FAM20B: variants seen among roughly 807,000 people sequenced by gnomAD.
FAM20B encodes FAM20B glycosaminoglycan xylosylkinase, also known as glycosaminoglycan xylosylkinase.
In FAM20B, 23 loss-of-function variants were observed where a neutral mutation model predicts 43.8. The observed-to-expected ratio is 0.53, with a 90% CI of 0.38 to 0.74. The LOEUF (loss-of-function observed/expected upper bound fraction) is 0.74. Ranked by LOEUF, FAM20B falls within the 30% of genes least tolerant of loss-of-function variation. The pLI, the probability that FAM20B is intolerant of heterozygous loss-of-function variation, is 0.00. For missense variants in FAM20B, 440 were observed against 510.5 expected, an observed-to-expected ratio of 0.86 and a Z score of 1.33; for synonymous variants, 178 against 192.4, an observed-to-expected ratio of 0.93 and a Z score of 0.62.
chr1:179,072,142 T>G lies in FAM20B; in HGVS notation c.1228T>G (p.Ter410GluextTer7), dbSNP rs1345796010. 2 of 1,604,826 alleles carry G rather than the reference T, an allele frequency of 1.2e-6. No homozygotes were observed. The highest frequency in any genetic ancestry group is 1.7e-5 in the Admixed American group (1 of 59,108). ...VEDRMPLSHL[*>E] ...AGACAGGATGCCTCTCTCACACTTGTAATTCTCGACACAAAATAAGTGAAA... is the reference window on the plus strand; with the variant it reads ...AGACAGGATGCCTCTCTCACACTTGGAATTCTCGACACAAAATAAGTGAAA... The change falls in exon 8 of 8, where the codon TAA becomes GAA. Residue 410 changes from the stop codon to glutamate (E), a stop_lost. Coordinates refer to ENST00000263733, the MANE Select transcript of FAM20B (RefSeq NM_014864.4).
the FAM20B span, among the ~76,000 whole-genome samples, chr1:179,018,537 C>T: frequency 6.6e-6 from 1 of 152,074 alleles, no homozygotes; most frequent in African/African-American, 2.4e-5. Flanking sequence ...AAACTCCTGA[C>T]CTCAGGTGAT....
At chr1:179,049,410 G>A (rs1650907703) in intron 2 of FAM20B, among the ~76,000 whole-genome samples, 2 of 152,072 alleles carry the variant, frequency 1.3e-5, no homozygotes, top group Admixed American at 1.3e-4. Context: ...AAAAGAACAA[G>A]AATGGTTATT....
chr1:179,028,636 C>T (rs977021324), intron 1 of FAM20B, among the ~76,000 whole-genome samples: 1 of 152,198 alleles, frequency 6.6e-6, no homozygotes, highest in Non-Finnish European at 1.5e-5. Context: ...CTGAATCTGA[C>T]TCTTAGTCCT....
chr1:179,021,344 A>G (rs1304729384), upstream of FAM20B, among the ~76,000 whole-genome samples: 1 of 152,204 alleles, frequency 6.6e-6, no homozygotes, highest in Non-Finnish European at 1.5e-5. Context: ...TTAAATACCA[A>G]TATGCCTGTG....
At position 179,043,923 on chromosome 1, in the gene FAM20B, G is replaced by A. The variant is rs137869702; in HGVS notation, c.76G>A (p.Asp26Asn). Residue 26 changes from aspartate (D) to asparagine (N), a missense_variant, in exon 2 of 8, where the codon GAC (aspartate) becomes AAC (asparagine). Coordinates refer to ENST00000263733, the MANE Select transcript of FAM20B (RefSeq NM_014864.4). ...IFIFTKVFLI[D>N]NLDTSAANRE... ...TATCTTCACCAAAGTTTTCCTGATT[G>A]ACAACTTAGATACATCAGCTGCCAA... 316 of 1,612,568 alleles carry A rather than the reference G, an allele frequency of 2.0e-4. 1 individual carries two copies. The African/African-American group carries it at 3.7e-3, about 19-fold the overall frequency.
chr1:179,046,478 C>G (rs1650776534), intron 2 of FAM20B, among the ~76,000 whole-genome samples: 1 of 151,520 alleles, frequency 6.6e-6, no homozygotes, highest in South Asian at 2.1e-4. Context: ...TGGCGAAACC[C>G]CATCTCTACT....
At chr1:179,045,293 A>G (rs1650715734) in intron 2 of FAM20B, among the ~76,000 whole-genome samples, 1 of 152,230 alleles carries the variant, frequency 6.6e-6, no homozygotes. Context: ...TTAGTTACCA[A>G]TGAATATTCT....
At chr1:179,049,927 A>G (rs1557873122) in intron 2 of FAM20B, among the ~76,000 whole-genome samples, 2 of 152,194 alleles carry the variant, frequency 1.3e-5, no homozygotes, top group South Asian at 2.1e-4. Flanking sequence ...AGCACCAACT[A>G]TGTGCTTAAC....
intron 4 of FAM20B, among the ~76,000 whole-genome samples, chr1:179,056,084 C>A (rs1446779029): frequency 6.6e-6 from 1 of 152,218 alleles, no homozygotes; most frequent in Admixed American, 6.5e-5. Context: ...TTATCAACAT[C>A]TCACATCACA....
chr1:179,059,810 A>G (rs939433694), intron 4 of FAM20B, among the ~76,000 whole-genome samples: 3 of 151,956 alleles, frequency 2.0e-5, no homozygotes, highest in Non-Finnish European at 4.4e-5. Context: ...CATCTCTACT[A>G]AAAATATAAA....
intron 1 of FAM20B, among the ~76,000 whole-genome samples, chr1:179,030,928 T>A (rs1649986346): frequency 6.6e-6 from 1 of 151,352 alleles, no homozygotes; most frequent in Non-Finnish European, 1.5e-5. Context: ...TGTGAGTTCA[T>A]AGTATAACAG....
rs1488458963 is a variant in FAM20B at position 179,026,118 on chromosome 1, G to C, written c.-134+20G>C. On this transcript the variant is annotated intron_variant, in intron 1 of 7. Transcript: ENST00000263733. ...CGACAGGTGAGTGGCGCGGGGGCGG[G>C]GGAGGGCGCGCGACCCCCGCCCCCG... 2 of 145,994 alleles carry C rather than the reference G, an allele frequency of 1.4e-5. No individual in the cohort carries two copies. Among genetic ancestry groups the C allele is most frequent in the African/African-American group, 4.9e-5 (2 of 40,486 alleles). 9.0% of individuals were successfully genotyped at this position (145,994 alleles called of 1,614,324 possible).
chr1:179,039,716 T>C (rs1650399342), intron 1 of FAM20B, among the ~76,000 whole-genome samples: 1 of 151,028 alleles, frequency 6.6e-6, no homozygotes, highest in Non-Finnish European at 1.5e-5. Context: ...CTCTGCACCC[T>C]GTGGCATTTT....
chr1:179,027,942 T>A (rs1248865515), intron 1 of FAM20B, among the ~76,000 whole-genome samples: 1 of 152,174 alleles, frequency 6.6e-6, no homozygotes, highest in African/African-American at 2.4e-5. Context: ...AATTGATAAT[T>A]CCTTGACTTT....
At chr1:179,060,663 A>G (rs903553793) in intron 4 of FAM20B, among the ~76,000 whole-genome samples, 5 of 152,172 alleles carry the variant, frequency 3.3e-5, no homozygotes, top group Non-Finnish European at 5.9e-5. Flanking sequence ...ATTGTCTTCC[A>G]CTAAACCAGT....
chr1:179,039,745 T>A (rs934112242), intron 1 of FAM20B, among the ~76,000 whole-genome samples: 14 of 151,914 alleles, frequency 9.2e-5, no homozygotes, highest in African/African-American at 3.1e-4. Flanking sequence ...ATTTATTATT[T>A]TTTTTTATTG....
intron 1 of FAM20B, among the ~76,000 whole-genome samples, chr1:179,042,300 G>T (rs1650582337): frequency 6.6e-6 from 1 of 152,262 alleles, no homozygotes; most frequent in South Asian, 2.1e-4. Context: ...GCACGCTGGG[G>T]CTGCTGTGGT....
At chr1:179,048,604 C>A (rs980109725) in intron 2 of FAM20B, among the ~76,000 whole-genome samples, 1 of 152,152 alleles carries the variant, frequency 6.6e-6, no homozygotes, top group Non-Finnish European at 1.5e-5. Flanking sequence ...TAGAACAGTA[C>A]CTGAATAGTG....
chr1:179,034,641 G>A (rs575659589), intron 1 of FAM20B, among the ~76,000 whole-genome samples: 1 of 152,340 alleles, frequency 6.6e-6, no homozygotes, highest in African/African-American at 2.4e-5. Context: ...AACCTTCAGA[G>A]TTTTAGTCAA....
Sources: gnomAD v4.1 joint callset for allele counts (sites outside exome capture counted in the v4.1 genomes callset) on GRCh38, gnomAD v4.1.1 for gene constraint, MANE v1.5 for transcripts, NCBI Gene and HGNC (gene_info 2026-07-23, HGNC 2026-07-21) for gene names.